Variants in RIMS1 observed in about 807,000 individuals in gnomAD.
RIMS1 encodes the protein regulating synaptic membrane exocytosis protein 1.
A neutral mutation model predicts 214.1 loss-of-function variants in RIMS1; 83 were observed. That is an observed-to-expected ratio of 0.39 (90% CI 0.32 to 0.47). The LOEUF (loss-of-function observed/expected upper bound fraction) is 0.47. Ranked by LOEUF, RIMS1 falls within the 20% of genes least tolerant of loss-of-function variation. The pLI, the probability that RIMS1 is intolerant of heterozygous loss-of-function variation, is 0.99. For missense variants in RIMS1, 2,050 were observed against 2,161.8 expected, an observed-to-expected ratio of 0.95 and a Z score of 1.03; for synonymous variants, 793 against 786.8, an observed-to-expected ratio of 1.01 and a Z score of -0.13.
At chr6:71,944,907 A>G (rs150968144) in intron 1 of RIMS1, among the ~76,000 whole-genome samples, 1 of 152,190 alleles carries the variant, frequency 6.6e-6, no homozygotes, top group Non-Finnish European at 1.5e-5. Flanking sequence ...TTGTTATCTT[A>G]AAGGTAGTAA....
intron 4 of RIMS1, among the ~76,000 whole-genome samples, chr6:72,108,116 C>T (rs1442379309): frequency 1.3e-5 from 2 of 152,062 alleles, no homozygotes; most frequent in Non-Finnish European, 1.5e-5. Context: ...CTTCCCTGGG[C>T]TCAGGCCATC....
chr6:72,165,022 A>G (rs543018422), intron 4 of RIMS1, among the ~76,000 whole-genome samples: 1 of 152,288 alleles, frequency 6.6e-6, no homozygotes, highest in South Asian at 2.1e-4. Flanking sequence ...ATTTTGGCAA[A>G]CCATGGCCAG....
At chr6:72,203,927 T>G (rs894289245) in intron 6 of RIMS1, among the ~76,000 whole-genome samples, 2 of 152,212 alleles carry the variant, frequency 1.3e-5, no homozygotes, top group Admixed American at 1.3e-4. Context: ...TGAGAATTTT[T>G]TTTTGGTATC....
intron 2 of RIMS1, among the ~76,000 whole-genome samples, chr6:71,998,640 A>C (rs1804196156): frequency 6.6e-6 from 1 of 152,174 alleles, no homozygotes; most frequent in South Asian, 2.1e-4. Context: ...GAAATTGCAC[A>C]TTTGTCATAT....
intron 2 of RIMS1, among the ~76,000 whole-genome samples, chr6:72,056,514 C>T (rs1224717026): frequency 6.6e-6 from 1 of 152,148 alleles, no homozygotes; most frequent in Non-Finnish European, 1.5e-5. Flanking sequence ...GAAGTTGTTG[C>T]TCTGATTTTT....
At chr6:71,894,807 A>T (rs914532887) in intron 1 of RIMS1, among the ~76,000 whole-genome samples, 1 of 152,240 alleles carries the variant, frequency 6.6e-6, no homozygotes, top group Non-Finnish European at 1.5e-5. Flanking sequence ...AGGTAATGTT[A>T]TAGAAAGTAA....
At chr6:72,267,301 C>T (rs114788815) in intron 22 of RIMS1, among the ~76,000 whole-genome samples, 4,923 of 151,720 alleles carry the variant, frequency 0.032, 262 homozygotes, top group African/African-American at 0.11. Flanking sequence ...TTATTATTTT[C>T]TTATATGTTT....
chr6:72,368,212 C>A (rs1363758131), intron 29 of RIMS1, among the ~76,000 whole-genome samples: 1 of 151,340 alleles, frequency 6.6e-6, no homozygotes, highest in Non-Finnish European at 1.5e-5. Context: ...TATTTTTCTA[C>A]CTAAGTAAAA....
At chr6:72,231,758 C>T (rs2062046325) in intron 6 of RIMS1, among the ~76,000 whole-genome samples, 1 of 151,672 alleles carries the variant, frequency 6.6e-6, no homozygotes, top group East Asian at 1.9e-4. Context: ...GAATCTTACC[C>T]AGAAACATCA....
chr6:71,929,011 G>T (rs887231700), intron 1 of RIMS1, among the ~76,000 whole-genome samples: 1 of 152,080 alleles, frequency 6.6e-6, no homozygotes, highest in African/African-American at 2.4e-5. Flanking sequence ...CTATTTTTTG[G>T]TAAGAGACTG....
chr6:72,353,364 T>C (rs760997157), intron 29 of RIMS1, among the ~76,000 whole-genome samples: 25 of 152,154 alleles, frequency 1.6e-4, no homozygotes, highest in Non-Finnish European at 2.6e-4. Context: ...GCACTGACAA[T>C]GTAATTTGAG....
chr6:72,228,988 G>A (rs1022573168), intron 6 of RIMS1, among the ~76,000 whole-genome samples: 1 of 151,666 alleles, frequency 6.6e-6, no homozygotes, highest in Non-Finnish European at 1.5e-5. Flanking sequence ...AAACAATAGC[G>A]CTAACAAACT....
chr6:72,239,862 G>T (rs1188283853), intron 9 of RIMS1, among the ~76,000 whole-genome samples: 1 of 152,084 alleles, frequency 6.6e-6, no homozygotes, highest in Non-Finnish European at 1.5e-5. Flanking sequence ...TTCCCACCTA[G>T]AAGATGTGGT....
chr6:71,939,326 A>T (rs888374098), intron 1 of RIMS1, among the ~76,000 whole-genome samples: 4 of 152,156 alleles, frequency 2.6e-5, no homozygotes, highest in African/African-American at 7.2e-5. Flanking sequence ...ACCAGGATCA[A>T]TCTTCATGCT....
At chr6:72,304,521 T>A (rs2154277869) in intron 26 of RIMS1, among the ~76,000 whole-genome samples, 1 of 151,946 alleles carries the variant, frequency 6.6e-6, no homozygotes, top group African/African-American at 2.4e-5. Flanking sequence ...GTAATTGTCT[T>A]ATTTTATAAA....
intron 4 of RIMS1, among the ~76,000 whole-genome samples, chr6:72,123,049 T>C (rs2038746814): frequency 6.6e-6 from 1 of 151,888 alleles, no homozygotes; most frequent in Admixed American, 6.6e-5. Context: ...TCTCTAGCTC[T>C]TTTAATGTGA....
At chr6:71,979,039 A>G (rs1243311358) in intron 2 of RIMS1, among the ~76,000 whole-genome samples, 2 of 152,100 alleles carry the variant, frequency 1.3e-5, no homozygotes, top group East Asian at 3.8e-4. Context: ...GTTCTATGCC[A>G]ATTCACAAAG....
In RIMS1 at chr6:72,137,894, G is replaced by A. The variant is rs552338604; in HGVS notation, c.471+37908G>A. Among the ~76,000 whole-genome samples the A allele has an allele frequency of 7.2e-5, 11 of 151,856 alleles. No homozygotes were observed. In the East Asian group the frequency reaches 1.9e-3, roughly 27 times the overall value. ...TGGGACTACAGGTGCCCACCGCCAC[G>A]CCCGGCTAATTTTTTGTATTTTTAG... On this transcript the variant is annotated intron_variant, in intron 4 of 33. Transcript: ENST00000521978.
At chr6:72,185,268 G>C (rs2048934796) in intron 6 of RIMS1, among the ~76,000 whole-genome samples, 1 of 151,154 alleles carries the variant, frequency 6.6e-6, no homozygotes, top group Non-Finnish European at 1.5e-5. Context: ...AAATCTGGAA[G>C]GATTACACCA....
Sources: allele counts gnomAD v4.1 joint callset (sites outside exome capture counted in the v4.1 genomes callset), GRCh38; gene constraint gnomAD v4.1.1; transcripts MANE v1.5; gene names NCBI Gene and HGNC (gene_info 2026-07-23, HGNC 2026-07-21).